Variants in GPR158 observed in about 807,000 individuals in gnomAD.
GPR158 encodes G protein-coupled receptor 158.
Under a neutral mutation model 78.2 loss-of-function variants are expected in GPR158, and 30 were observed. That is an observed-to-expected ratio of 0.38 (90% CI 0.29 to 0.52). GPR158 has a LOEUF of 0.52. Ranked by LOEUF, GPR158 falls within the 20% of genes least tolerant of loss-of-function variation. The probability of loss-of-function intolerance (pLI) is 0.83; values close to 1 mark genes in which losing one functional copy is unlikely to be tolerated. For synonymous variants in GPR158, 581 were observed against 591.1 expected, an observed-to-expected ratio of 0.98 and a Z score of 0.25; for missense variants, 1,463 against 1,523.5, an observed-to-expected ratio of 0.96 and a Z score of 0.66.
chr10:25,348,606 A>G (rs1165009928), intron 2 of GPR158, among the ~76,000 whole-genome samples: 2 of 152,008 alleles, frequency 1.3e-5, no homozygotes, highest in African/African-American at 2.4e-5. Flanking sequence ...AACATCAGGA[A>G]ATAGAAACTG....
At chr10:25,321,552 G>A (rs1394431411) in intron 2 of GPR158, among the ~76,000 whole-genome samples, 1 of 152,064 alleles carries the variant, frequency 6.6e-6, no homozygotes, top group East Asian at 1.9e-4. Context: ...TATAATTTTG[G>A]TGATTTAGAG....
chr10:25,561,368 GAC>G (rs1457957646), intron 6 of GPR158, among the ~76,000 whole-genome samples: 1 of 152,164 alleles, frequency 6.6e-6, no homozygotes, highest in South Asian at 2.1e-4. Context: ...GTACTTGGCA[GAC>G]CATGGTCCTA....
At chr10:25,263,175 T>C (rs983368391) in intron 2 of GPR158, among the ~76,000 whole-genome samples, 9 of 152,226 alleles carry the variant, frequency 5.9e-5, no homozygotes, top group Non-Finnish European at 7.3e-5. Context: ...TTGTTTTACA[T>C]TGAGATCTCT....
At chr10:25,225,000 GA>G (rs1008213044) in intron 2 of GPR158, among the ~76,000 whole-genome samples, 12 of 152,068 alleles carry the variant, frequency 7.9e-5, no homozygotes, top group Admixed American at 2.0e-4. Flanking sequence ...ACTTAACACT[GA>G]AAACATTTTC....
intron 7 of GPR158, among the ~76,000 whole-genome samples, chr10:25,587,442 G>C (rs1307681554): frequency 6.6e-6 from 1 of 152,180 alleles, no homozygotes; most frequent in Non-Finnish European, 1.5e-5. Flanking sequence ...GTTATTGTGG[G>C]CATTGAGAGA....
intron 2 of GPR158, among the ~76,000 whole-genome samples, chr10:25,266,253 A>C (rs1411172000): frequency 6.6e-6 from 1 of 152,118 alleles, no homozygotes. Context: ...TTACATGTTT[A>C]AGTGCAATTG....
At chr10:25,485,628 G>GA (rs1835726213) in intron 5 of GPR158, among the ~76,000 whole-genome samples, 1 of 152,092 alleles carries the variant, frequency 6.6e-6, no homozygotes, top group African/African-American at 2.4e-5. Flanking sequence ...TACAGTTGCT[G>GA]AAATATGAAG....
chr10:25,242,090 T>C (rs896770237), intron 2 of GPR158, among the ~76,000 whole-genome samples: 1 of 152,206 alleles, frequency 6.6e-6, no homozygotes, highest in Non-Finnish European at 1.5e-5. Flanking sequence ...AAAGGACCTC[T>C]CAGTAGCCAC....
intron 1 of GPR158, among the ~76,000 whole-genome samples, chr10:25,197,581 C>T (rs1291100856): frequency 6.6e-6 from 1 of 152,058 alleles, no homozygotes; most frequent in African/African-American, 2.4e-5. Context: ...AATCTTAACA[C>T]AATTGGCATG....
At chr10:25,522,545 G>A (rs1836292238) in intron 5 of GPR158, among the ~76,000 whole-genome samples, 1 of 152,140 alleles carries the variant, frequency 6.6e-6, no homozygotes, top group East Asian at 1.9e-4. Flanking sequence ...AAAGGGATCT[G>A]GATTTGACTT....
intron 4 of GPR158, among the ~76,000 whole-genome samples, chr10:25,419,432 A>G (rs1773671): frequency 0.42 from 64,289 of 152,074 alleles, 16,376 homozygotes; most frequent in Non-Finnish European, 0.59. Flanking sequence ...CTTTTTGGCT[A>G]TTGTGAATGA....
At chr10:25,522,081 C>T (rs1836284976) in intron 5 of GPR158, among the ~76,000 whole-genome samples, 1 of 152,172 alleles carries the variant, frequency 6.6e-6, no homozygotes, top group Non-Finnish European at 1.5e-5. Flanking sequence ...GGGATCAGAA[C>T]TGAGTTATAA....
intron 4 of GPR158, among the ~76,000 whole-genome samples, chr10:25,448,365 C>T (rs1835168060): frequency 6.6e-6 from 1 of 152,240 alleles, no homozygotes; most frequent in South Asian, 2.1e-4. Flanking sequence ...GCTGGGATTA[C>T]AGGCGTGAGC....
intron 1 of GPR158, among the ~76,000 whole-genome samples, chr10:25,180,462 A>G (rs1013032616): frequency 2.0e-5 from 3 of 152,178 alleles, no homozygotes; most frequent in Admixed American, 6.5e-5. Context: ...TTGATTCCCC[A>G]ATTTTGTCAT....
At chr10:25,338,191 C>G (rs1471543521) in intron 2 of GPR158, among the ~76,000 whole-genome samples, 1 of 151,004 alleles carries the variant, frequency 6.6e-6, no homozygotes, top group Non-Finnish European at 1.5e-5. Flanking sequence ...AAATCTTTGC[C>G]TACCCTAAGA....
At position 25,187,588 on chromosome 10, in the gene GPR158, C is replaced by A. The variant is rs571085299; in HGVS notation, c.902+11266C>A. Among the ~76,000 whole-genome samples, 30 of 152,320 alleles carry A rather than the reference C, an allele frequency of 2.0e-4. 1 individual carries two copies. The East Asian group carries it at 5.8e-3, about 29-fold the overall frequency. ...CCTTCGACAAAATTCAACAGCCCTT[C>A]ATGCTAAAAACTCTCAATAAACTAG... On this transcript the variant is annotated intron_variant, in intron 1 of 10. Transcript: ENST00000376351.
chr10:25,585,700 CA>C (rs1837257532), intron 7 of GPR158, among the ~76,000 whole-genome samples: 1 of 152,158 alleles, frequency 6.6e-6, no homozygotes, highest in African/African-American at 2.4e-5. Context: ...TGGAACGGGC[CA>C]GGAGTGGTGG....
At chr10:25,490,198 G>A (rs1835786442) in intron 5 of GPR158, among the ~76,000 whole-genome samples, 1 of 151,736 alleles carries the variant, frequency 6.6e-6, no homozygotes, top group South Asian at 2.1e-4. Flanking sequence ...ACCTAAACTG[G>A]AACTCTTCCT....
chr10:25,369,546 G>C, intron 2 of GPR158, among the ~76,000 whole-genome samples: 1 of 149,108 alleles, frequency 6.7e-6, no homozygotes, highest in Admixed American at 6.7e-5. Flanking sequence ...TAAGCTTTTT[G>C]ATGTGCTGCT....
Sources: allele counts gnomAD v4.1 joint callset (sites outside exome capture counted in the v4.1 genomes callset), GRCh38; gene constraint gnomAD v4.1.1; transcripts MANE v1.5; gene names NCBI Gene and HGNC (gene_info 2026-07-23, HGNC 2026-07-21).